SEMA3E: variants seen among roughly 807,000 people sequenced by gnomAD.
SEMA3E encodes the protein semaphorin 3E, also known as semaphorin-3E.
Under a neutral mutation model 93.6 loss-of-function variants are expected in SEMA3E, and 49 were observed. The observed-to-expected ratio is 0.52, with a 90% CI of 0.42 to 0.66. The LOEUF (loss-of-function observed/expected upper bound fraction) is 0.66, where lower values mean the gene tolerates loss of function less well. Among genes scored for constraint, SEMA3E ranks in the 30% least tolerant of loss-of-function variants. The pLI is 0.00. For missense variants in SEMA3E, 906 were observed against 964.8 expected, an observed-to-expected ratio of 0.94 and a Z score of 0.81; for synonymous variants, 363 against 330.7, an observed-to-expected ratio of 1.10 and a Z score of -1.06.
At chr7:83,410,020 A>G (rs181172940) in intron 5 of SEMA3E, among the ~76,000 whole-genome samples, 15 of 151,866 alleles carry the variant, frequency 9.9e-5, no homozygotes, top group Admixed American at 8.5e-4. Flanking sequence ...GATATAAATT[A>G]AACTCAAAGA....
Position 83,612,864 on chromosome 7 carries a change from T to C in SEMA3E, c.115+35564A>G, listed in dbSNP as rs1443489311. Reference sequence around the variant, plus strand: ...TGTTTTATAACAGTTAATATTTCATTCAGAAAACTAACCTGTATACCATTA... The same window carrying C: ...TGTTTTATAACAGTTAATATTTCATCCAGAAAACTAACCTGTATACCATTA... On this transcript the variant is annotated intron_variant, in intron 1 of 16. Coordinates refer to ENST00000643230, the MANE Select transcript of SEMA3E (RefSeq NM_012431.3). Among the ~76,000 whole-genome samples, 3 of 152,092 alleles carry C rather than the reference T, an allele frequency of 2.0e-5. No individual in the cohort carries two copies. In the East Asian group the frequency reaches 5.8e-4, roughly 29 times the overall value.
intron 1 of SEMA3E, among the ~76,000 whole-genome samples, chr7:83,594,663 G>A (rs1792829620): frequency 6.6e-6 from 1 of 151,996 alleles, no homozygotes; most frequent in Non-Finnish European, 1.5e-5. Context: ...TTGAAAATAT[G>A]TTATAGTGGA....
At chr7:83,471,226 A>G (rs932234237) in intron 2 of SEMA3E, among the ~76,000 whole-genome samples, 17 of 152,172 alleles carry the variant, frequency 1.1e-4, no homozygotes, top group African/African-American at 4.1e-4. Flanking sequence ...TAACAACACT[A>G]CAGAACCCTT....
chr7:83,625,164 C>T (rs189749677), intron 1 of SEMA3E, among the ~76,000 whole-genome samples: 1 of 152,126 alleles, frequency 6.6e-6, no homozygotes, highest in Non-Finnish European at 1.5e-5. Context: ...AGCGTGATGC[C>T]TCCAGCTTTG....
chr7:83,638,039 T>C (rs1793916320), intron 1 of SEMA3E, among the ~76,000 whole-genome samples: 1 of 152,166 alleles, frequency 6.6e-6, no homozygotes, highest in African/African-American at 2.4e-5. Flanking sequence ...TCATTATATA[T>C]AGCTATCCAC....
rs1486887937 is a variant in SEMA3E, at chr7:83,385,181, G to A, written c.1875+113C>T. The A allele has an allele frequency of 6.6e-6, 7 of 1,057,482 alleles. No individual in the cohort carries two copies. In the East Asian group the frequency reaches 1.4e-4, roughly 22 times the overall value. The allele number at this position is 1,057,482 out of a possible 1,614,324, so 65.5% of individuals were successfully genotyped here. A position where few individuals can be genotyped will look rare whatever the true frequency, so the allele number is the denominator to read the frequency against. On this transcript the variant is annotated intron_variant, in intron 16 of 16. Transcript: ENST00000643230. ...AAATAAAACTGACTTATTAAATAAG[G>A]CATGCATAGTACAACAGCTAGCTTC...
In SEMA3E at chr7:83,498,658, T is replaced by C. The variant is rs551754731; in HGVS notation, c.116-8384A>G. On this transcript the variant is annotated intron_variant, in intron 1 of 16. Coordinates refer to ENST00000643230, the MANE Select transcript of SEMA3E (RefSeq NM_012431.3). ...ATGCCCTGCAAATTTTTGTATTTTT[T>C]AGTAGAGACGGGGTCTCACCATGTT... 3.5e-4 allele frequency among the ~76,000 whole-genome samples: 53 copies of C among 152,188 alleles called. No individual in the cohort carries two copies. The South Asian group carries it at 0.011, about 32-fold the overall frequency.
chr7:83,381,881 T>C (rs2116911615), intron 16 of SEMA3E, among the ~76,000 whole-genome samples: 1 of 152,090 alleles, frequency 6.6e-6, no homozygotes, highest in East Asian at 1.9e-4. Context: ...TTGTGTATGT[T>C]GTGTAACAAT....
At chr7:83,595,477 A>C (rs1792853192) in intron 1 of SEMA3E, among the ~76,000 whole-genome samples, 2 of 152,116 alleles carry the variant, frequency 1.3e-5, no homozygotes, top group Non-Finnish European at 2.9e-5. Context: ...TAATGTTATT[A>C]ACTAAACTAC....
chr7:83,452,017 A>G (rs867972097), intron 4 of SEMA3E, among the ~76,000 whole-genome samples: 2 of 152,212 alleles, frequency 1.3e-5, no homozygotes, highest in Non-Finnish European at 2.9e-5. Context: ...CAGGATTAAC[A>G]GTTGAAAAAT....
intron 4 of SEMA3E, among the ~76,000 whole-genome samples, chr7:83,433,894 G>A (rs1788939277): frequency 1.3e-5 from 2 of 151,940 alleles, no homozygotes; most frequent in Admixed American, 6.6e-5. Context: ...TAAAATATAC[G>A]ATGATCCCAA....
At chr7:83,525,439 T>C (rs1469244867) in intron 1 of SEMA3E, among the ~76,000 whole-genome samples, 3 of 152,148 alleles carry the variant, frequency 2.0e-5, no homozygotes, top group East Asian at 1.9e-4. Flanking sequence ...AATTACTTTA[T>C]TGATGACTTC....
rs149009399 is a variant in SEMA3E at position 83,605,490 on chromosome 7, G to A, written c.115+42938C>T. Among the ~76,000 whole-genome samples the A allele has an allele frequency of 6.0e-3, 910 of 151,444 alleles. 8 individuals carry two copies. Among genetic ancestry groups the A allele is most frequent in the African/African-American group, 0.021 (874 of 41,182 alleles). On this transcript the variant is annotated intron_variant, in intron 1 of 16. Coordinates refer to ENST00000643230, the MANE Select transcript of SEMA3E (RefSeq NM_012431.3). ...CTGTTGCCCAGGCTGGAGCACAGTG[G>A]TGCGATCTCAATTCACTGCAAACTC... is the stretch of plus-strand genomic sequence containing the variant.
intron 4 of SEMA3E, among the ~76,000 whole-genome samples, chr7:83,460,136 C>A (rs1314293136): frequency 1.3e-5 from 2 of 152,182 alleles, no homozygotes; most frequent in Non-Finnish European, 2.9e-5. Context: ...TGCCGTGATT[C>A]AGATCGGGGG....
At chr7:83,645,153 A>G (rs956366565) in intron 1 of SEMA3E, among the ~76,000 whole-genome samples, 3 of 152,034 alleles carry the variant, frequency 2.0e-5, no homozygotes, top group Admixed American at 2.0e-4. Context: ...GTGAAAGATA[A>G]GGAGAGAACA....
At chr7:83,374,599 G>C (rs1348146279) in intron 16 of SEMA3E, among the ~76,000 whole-genome samples, 1 of 152,130 alleles carries the variant, frequency 6.6e-6, no homozygotes, top group East Asian at 1.9e-4. Context: ...TAACAGTCAA[G>C]CAATGAAATA....
chr7:83,458,599 A>C (rs2115847023), intron 4 of SEMA3E, among the ~76,000 whole-genome samples: 1 of 151,964 alleles, frequency 6.6e-6, no homozygotes, highest in African/African-American at 2.4e-5. Context: ...AAGTTGAAAA[A>C]GGTAACTACT....
intron 1 of SEMA3E, among the ~76,000 whole-genome samples, chr7:83,594,577 G>T (rs1047398291): frequency 2.0e-5 from 3 of 152,044 alleles, no homozygotes; most frequent in Non-Finnish European, 4.4e-5. Context: ...TTCTGGAAGG[G>T]TATGAATTTT....
intron 1 of SEMA3E, among the ~76,000 whole-genome samples, chr7:83,582,896 A>G (rs1277678272): frequency 6.6e-6 from 1 of 152,148 alleles, no homozygotes; most frequent in Non-Finnish European, 1.5e-5. Flanking sequence ...ATATGTATGT[A>G]AATATTTTGT....
Sources: gnomAD v4.1 joint callset for allele counts (sites outside exome capture counted in the v4.1 genomes callset) on GRCh38, gnomAD v4.1.1 for gene constraint, MANE v1.5 for transcripts, NCBI Gene and HGNC (gene_info 2026-07-23, HGNC 2026-07-21) for gene names.